ARSB: variants seen among roughly 807,000 people sequenced by gnomAD.
ARSB encodes the protein arylsulfatase B, also known as N-acetylgalactosamine-4-sulfatase.
ARSB carries 41 observed loss-of-function variants against 50.9 expected under a neutral mutation model. The observed-to-expected ratio is 0.81, with a 90% CI of 0.63 to 1.04. The LOEUF is 1.04. Among genes scored for constraint, ARSB ranks in the 50% least tolerant of loss-of-function variants. The pLI, the probability that ARSB is intolerant of heterozygous loss-of-function variation, is 0.00. For synonymous variants in ARSB, 269 were observed against 284.8 expected, an observed-to-expected ratio of 0.94 and a Z score of 0.56; for missense variants, 672 against 693.3, an observed-to-expected ratio of 0.97 and a Z score of 0.35.
intron 5 of ARSB, among the ~76,000 whole-genome samples, chr5:78,864,326 T>A (rs540424030): frequency 1.3e-5 from 2 of 152,228 alleles, no homozygotes; most frequent in East Asian, 3.9e-4. Flanking sequence ...GCAAGTCCCA[T>A]CTTACATGGA....
At chr5:78,967,660 G>A (rs922079735) in intron 2 of ARSB, among the ~76,000 whole-genome samples, 12 of 147,384 alleles carry the variant, frequency 8.1e-5, no homozygotes, top group African/African-American at 2.2e-4. Flanking sequence ...GCAACAGAGC[G>A]AGACTCCGTA....
intron 1 of ARSB, among the ~76,000 whole-genome samples, chr5:78,978,728 C>T (rs1752775222): frequency 6.6e-6 from 1 of 152,100 alleles, no homozygotes; most frequent in Non-Finnish European, 1.5e-5. Flanking sequence ...GACAAGGGTG[C>T]AAAGGGTGCA....
chr5:78,977,656 A>G lies in ARSB; in HGVS notation c.312+7281T>C, dbSNP rs570888844. 9.2e-5 allele frequency among the ~76,000 whole-genome samples: 14 copies of G among 152,338 alleles called. No homozygotes were observed. The East Asian group carries it at 2.3e-3, about 25-fold the overall frequency. On this transcript the variant is annotated intron_variant, in intron 1 of 7. Coordinates refer to ENST00000264914, the MANE Select transcript of ARSB (RefSeq NM_000046.5). ...CCCCTCTAAGATTGGAAACAAGACA[A>G]GTATGTCCACTCATGCCACTTCTAC...
chr5:78,912,953 A>C (rs942491176), intron 4 of ARSB, among the ~76,000 whole-genome samples: 1 of 152,156 alleles, frequency 6.6e-6, no homozygotes, highest in Non-Finnish European at 1.5e-5. Flanking sequence ...GCTTTTTTTC[A>C]TGGTTACTCA....
In ARSB at chr5:78,780,495, G is replaced by A. The variant is rs1580961067; in HGVS notation, c.1504C>T (p.Leu502=). ...PHIVTKLLSR[L]QFYHKHSVPV... Reference sequence around the variant, plus strand: ...ACTGAGTGTTTATGGTAGAACTGTAGGCGGGACAGGAGCTTTGTGACGATG... The same window carrying A: ...ACTGAGTGTTTATGGTAGAACTGTAAGCGGGACAGGAGCTTTGTGACGATG... Residue 502 remains leucine (L), a synonymous_variant, in exon 8 of 8, where the codon CTA becomes TTA. Coordinates refer to ENST00000264914, the MANE Select transcript of ARSB (RefSeq NM_000046.5). 1.2e-6 allele frequency: 2 copies of A among 1,614,058 alleles called. No individual in the cohort carries two copies. The highest frequency in any genetic ancestry group is 1.3e-5 in the African/African-American group (1 of 74,916).
chr5:78,844,701 G>T (rs937433909), intron 5 of ARSB, among the ~76,000 whole-genome samples: 5 of 151,922 alleles, frequency 3.3e-5, no homozygotes, highest in African/African-American at 1.2e-4. Flanking sequence ...GTTAATTTTT[G>T]TGTATGCTGT....
chr5:78,795,599 T>C (rs1418455048), intron 6 of ARSB, among the ~76,000 whole-genome samples: 1 of 152,212 alleles, frequency 6.6e-6, no homozygotes, highest in Admixed American at 6.5e-5. Flanking sequence ...AGTTTTCTGT[T>C]AGACCCTCAC....
rs1267426433 is a variant in ARSB at position 78,872,513 on chromosome 5, G to A, written c.1142+13071C>T. Among the ~76,000 whole-genome samples the A allele has an allele frequency of 1.6e-4, 22 of 134,400 alleles. 2 individuals carry two copies. In the South Asian group the frequency reaches 5.6e-3, roughly 34 times the overall value. The allele number at this position is 134,400 out of a possible 152,430, so 88.2% of individuals were successfully genotyped here. On this transcript the variant is annotated intron_variant, in intron 5 of 7. Coordinates refer to ENST00000264914, the MANE Select transcript of ARSB (RefSeq NM_000046.5). The stretch of plus-strand genomic sequence containing the variant: ...AAAAAATGATGAGTTCATGTCCTTT[G>A]TAGGGACATGGATGAAATTGGAAAC...
intron 4 of ARSB, among the ~76,000 whole-genome samples, chr5:78,919,506 T>C (rs1350425424): frequency 6.6e-6 from 1 of 152,164 alleles, no homozygotes; most frequent in Non-Finnish European, 1.5e-5. Context: ...TATTTATTTA[T>C]TTTTGAGAGG....
intron 6 of ARSB, among the ~76,000 whole-genome samples, chr5:78,797,027 G>A (rs1482428376): frequency 5.3e-5 from 8 of 151,982 alleles, no homozygotes; most frequent in African/African-American, 1.7e-4. Flanking sequence ...ACAGGCGCCC[G>A]CCACTATGCC....
chr5:78,797,921 G>C (rs2112641035), intron 6 of ARSB, among the ~76,000 whole-genome samples: 1 of 152,262 alleles, frequency 6.6e-6, no homozygotes, highest in South Asian at 2.1e-4. Flanking sequence ...TAGGGGAAGG[G>C]GCCTCTAAAA....
At chr5:78,923,632 T>C (rs145599254) in intron 4 of ARSB, among the ~76,000 whole-genome samples, 2 of 152,312 alleles carry the variant, frequency 1.3e-5, no homozygotes, top group African/African-American at 4.8e-5. Flanking sequence ...GAGAATAACA[T>C]ACCTACCTCA....
intron 5 of ARSB, among the ~76,000 whole-genome samples, chr5:78,846,053 T>G: frequency 6.6e-6 from 1 of 152,174 alleles, no homozygotes; most frequent in African/African-American, 2.4e-5. Flanking sequence ...TGAGTTGATT[T>G]TTATATATGG....
At chr5:78,972,624 A>C (rs2112542048) in intron 1 of ARSB, among the ~76,000 whole-genome samples, 1 of 152,298 alleles carries the variant, frequency 6.6e-6, no homozygotes, top group South Asian at 2.1e-4. Flanking sequence ...CAAAAACTTC[A>C]TAGCATATAG....
At chr5:78,972,543 A>ACACACACC (rs1361695118) in intron 1 of ARSB, among the ~76,000 whole-genome samples, 75 of 150,408 alleles carry the variant, frequency 5.0e-4, no homozygotes, top group Middle Eastern at 3.4e-3. Context: ...ACACACACAC[A>ACACACACC]CCCCAAATCA....
chr5:78,829,158 G>C (rs958297026), intron 6 of ARSB, among the ~76,000 whole-genome samples: 6 of 152,228 alleles, frequency 3.9e-5, no homozygotes, highest in African/African-American at 1.4e-4. Context: ...ATTTAGTCCA[G>C]TGAGACCCAT....
Position 78,984,952 on chromosome 5 carries a change from G to C in ARSB, c.297C>G (p.Leu99=). ...CGCCGCGTACCTGGTAGCGGCCAGTGAGCAGCTGGCTCCGCGACGGCGTGC... is the reference window on the plus strand; with the variant it reads ...CGCCGCGTACCTGGTAGCGGCCAGTCAGCAGCTGGCTCCGCGACGGCGTGC... ...PLCTPSRSQL[L]TGRYQIRTGL... is the part of the protein sequence containing the mutation. Residue 99 remains leucine (L), a synonymous_variant, in exon 1 of 8, where the codon CTC becomes CTG. Coordinates refer to ENST00000264914, the MANE Select transcript of ARSB (RefSeq NM_000046.5). The C allele has an allele frequency of 6.8e-7, 1 of 1,463,652 alleles. No individual in the cohort carries two copies. The highest frequency in any genetic ancestry group is 9.0e-7 in the Non-Finnish European group (1 of 1,105,970). 90.7% of individuals were successfully genotyped at this position (1,463,652 alleles called of 1,614,324 possible).
intron 5 of ARSB, among the ~76,000 whole-genome samples, chr5:78,850,204 A>G (rs1745693142): frequency 6.6e-6 from 1 of 152,212 alleles, no homozygotes; most frequent in African/African-American, 2.4e-5. Flanking sequence ...TTTGTCATAG[A>G]TAGCTCTTAT....
chr5:78,928,338 C>G, intron 4 of ARSB, among the ~76,000 whole-genome samples: 1 of 92,146 alleles, frequency 1.1e-5, no homozygotes, highest in African/African-American at 4.2e-5. Context: ...TTTTTTGAGA[C>G]AGAGTCTTGC....
Sources: allele counts gnomAD v4.1 joint callset (sites outside exome capture counted in the v4.1 genomes callset), GRCh38; gene constraint gnomAD v4.1.1; transcripts MANE v1.5; gene names NCBI Gene and HGNC (gene_info 2026-07-23, HGNC 2026-07-21).